Variants in PLOD3 observed in about 807,000 individuals in gnomAD.
PLOD3 encodes the protein multifunctional procollagen lysine hydroxylase and glycosyltransferase LH3.
Under a neutral mutation model 96.9 loss-of-function variants are expected in PLOD3, and 73 were observed. That is an observed-to-expected ratio of 0.75 (90% CI 0.62 to 0.92). PLOD3 has a LOEUF of 0.92. PLOD3 is among the 40% of genes least tolerant of loss of function. The pLI is 0.00. For synonymous variants in PLOD3, 454 were observed against 413.7 expected, an observed-to-expected ratio of 1.10 and a Z score of -1.18; for missense variants, 1,004 against 1,004.3, an observed-to-expected ratio of 1.00 and a Z score of 0.00.
chr7:101,206,522 CG>C (rs1562890409), intron 18 of PLOD3, 86 bp from the exon 19 acceptor site: 6 of 1,279,266 alleles, frequency 4.7e-6, no homozygotes, highest in African/African-American at 2.9e-5. Context: ...GCGGCCAGAC[CG>C]GGGGGCACGG....
At position 101,211,833 on chromosome 7, in the gene PLOD3, G is replaced by A. The variant is rs1798186538; in HGVS notation, c.1232+13C>T. The A allele has an allele frequency of 2.5e-6, 4 of 1,605,018 alleles. No homozygotes were observed. The East Asian group carries it at 6.7e-5, about 27-fold the overall frequency. On this transcript the variant is annotated intron_variant, in intron 11 of 18. Coordinates refer to ENST00000223127, the MANE Select transcript of PLOD3 (RefSeq NM_001084.5). ...GGGGTGCCCTCCGGCTGCGGGGAGAGGGGGTAAGCCACCTGTTCTCCTCAA... is the reference window on the plus strand; with the variant it reads ...GGGGTGCCCTCCGGCTGCGGGGAGAAGGGGTAAGCCACCTGTTCTCCTCAA...
In PLOD3 at chr7:101,206,762, G is replaced by A. The variant is rs749416647; in HGVS notation, c.2061+17C>T. 1.9e-6 allele frequency: 3 copies of A among 1,577,878 alleles called. No individual in the cohort carries two copies. The South Asian group carries it at 3.5e-5, about 18-fold the overall frequency. On this transcript the variant is annotated intron_variant, in intron 18 of 18. Coordinates refer to ENST00000223127, the MANE Select transcript of PLOD3 (RefSeq NM_001084.5). ...TCCTGAGGTGAAGCGTGGGTGGGTA[G>A]TGTGACTGGGGCGCACCTCATAGTC... is the stretch of plus-strand genomic sequence containing the variant.
At chr7:101,211,006 A>C in intron 12 of PLOD3, 1 of 324,126 alleles carries the variant, frequency 3.1e-6, no homozygotes, top group Non-Finnish European at 5.9e-6. Flanking sequence ...TTAGCCTCCC[A>C]AATAGCTGGG....
Position 101,206,909 on chromosome 7 carries a change from G to C in PLOD3, c.1936-5C>G, listed in dbSNP as rs768455387. The C allele has an allele frequency of 3.5e-5, 54 of 1,555,264 alleles. No individual in the cohort carries two copies. In the Middle Eastern group the frequency reaches 1.3e-3, roughly 39 times the overall value. On this transcript the variant is annotated splice_polypyrimidine_tract_variant and splice_region_variant and intron_variant, in intron 17 of 18. Transcript: ENST00000223127. ...AAAGTTCATCACCGCCCGCGCCTGG[G>C]GGAGAGGAGGGAAGAGGCTGCAGGG...
Position 101,207,676 on chromosome 7 carries a change from G to A in PLOD3, c.1837C>T (p.His613Tyr). 1 of 1,613,930 alleles carries A rather than the reference G, an allele frequency of 6.2e-7. No homozygotes were observed. Reference sequence around the variant, plus strand: ...TCCTCGTACCCCACCTGCTTCATGTGGATGTCCACGGTGGGCACATTCTCG... The same window carrying A: ...TCCTCGTACCCCACCTGCTTCATGTAGATGTCCACGGTGGGCACATTCTCG... ...GYENVPTVDIHMKQVGYEDQW... is the reference protein window; with the variant it reads ...GYENVPTVDIYMKQVGYEDQW... The change falls in exon 17 of 19, where the codon CAC becomes TAC. Residue 613 changes from histidine to tyrosine, a missense_variant. Physicochemically the swap from His to Tyr is moderately conservative, Grantham distance 83. Transcript: ENST00000223127.
In PLOD3 at chr7:101,209,053, G is replaced by C. The variant is rs569883734; in HGVS notation, c.1684-96C>G. 5 of 932,224 alleles carry C rather than the reference G, an allele frequency of 5.4e-6. No homozygotes were observed. The East Asian group carries it at 1.2e-4, about 23-fold the overall frequency. The allele number at this position is 932,224 out of a possible 1,614,324, so 57.7% of individuals were successfully genotyped here. On this transcript the variant is annotated intron_variant, in intron 15 of 18. Coordinates refer to ENST00000223127, the MANE Select transcript of PLOD3 (RefSeq NM_001084.5). Reference sequence around the variant, plus strand: ...GAATGGGAAGGGGCAGGGAGGAGCAGGGAAGGCTTTGTGAGAGCAGCCGGG... The same window carrying C: ...GAATGGGAAGGGGCAGGGAGGAGCACGGAAGGCTTTGTGAGAGCAGCCGGG...
In PLOD3 at chr7:101,217,359, A is replaced by G. The variant is rs1201261688; in HGVS notation, c.-85T>C. The stretch of plus-strand genomic sequence containing the variant: ...CCCAGCTCCGGAGGGGAGCTCTGGA[A>G]AGGGGGCGCTCGGGCTGCTGTGCGG... On this transcript the variant is annotated 5_prime_UTR_variant, in exon 1 of 19. Transcript: ENST00000223127. 2 of 1,294,882 alleles carry G rather than the reference A, an allele frequency of 1.5e-6. No individual in the cohort carries two copies. Among genetic ancestry groups the G allele is most frequent in the Non-Finnish European group, 2.0e-6 (2 of 1,011,024 alleles). 80.2% of individuals were successfully genotyped at this position (1,294,882 alleles called of 1,614,324 possible).
At position 101,206,298 on chromosome 7, in the gene PLOD3, A is replaced by T. The variant is rs1432678087; in HGVS notation, c.2200T>A (p.Ser734Thr). Residue 734 changes from serine (S) to threonine (T), a missense_variant, in exon 19 of 19, where the codon TCC becomes ACC. By Grantham distance (58) the Ser-to-Thr change is moderately conservative (BLOSUM62 1). Transcript: ENST00000223127. ...TTWGTRYIMV[S>T]FVDP ...GTTGAGTGTCAGGGGTCGACAAAGG[A>T]CACCATGATGTAGCGTGTGCCCCAG... 20 of 1,613,906 alleles carry T rather than the reference A, an allele frequency of 1.2e-5. No individual in the cohort carries two copies. The highest frequency in any genetic ancestry group is 1.5e-5 in the Non-Finnish European group (18 of 1,179,922).
chr7:101,213,505 TG>T (rs1398737306), intron 6 of PLOD3: 50 of 382,166 alleles, frequency 1.3e-4, no homozygotes, highest in African/African-American at 8.9e-4. Flanking sequence ...TCTCTCTCCT[TG>T]TTTTTTTTTT....
chr7:101,211,564 G>T (rs142750553), intron 12 of PLOD3, 27 bp downstream of exon 12: 4 of 1,592,680 alleles, frequency 2.5e-6, no homozygotes, highest in South Asian at 1.1e-5. Flanking sequence ...CGGAGGAGGC[G>T]GGGGGCTGCA....
In PLOD3 at chr7:101,212,949, G is replaced by A; in HGVS notation, c.778-6C>T. ...CCCAGGTAGTTGAGCTGCAGCTGTT[G>A]GGGACAGACTGAGGCTGAGTGGCTG... On this transcript the variant is annotated splice_polypyrimidine_tract_variant and splice_region_variant and intron_variant, in intron 7 of 18. Coordinates refer to ENST00000223127, the MANE Select transcript of PLOD3 (RefSeq NM_001084.5). 6.2e-7 allele frequency: 1 copy of A among 1,606,228 alleles called. No homozygotes were observed. Among genetic ancestry groups the A allele is most frequent in the South Asian group, 1.1e-5 (1 of 90,904 alleles).
At chr7:101,213,068 G>T in intron 7 of PLOD3, 39 bp downstream of exon 7, 1 of 1,457,126 alleles carries the variant, frequency 6.9e-7, no homozygotes, top group Non-Finnish European at 9.6e-7. Context: ...CCTGGGGGTT[G>T]GGGCAGGGCG....
At chr7:101,208,648 A>G (rs1394424604) in intron 16 of PLOD3, 5 of 569,424 alleles carry the variant, frequency 8.8e-6, no homozygotes, top group Non-Finnish European at 1.3e-5. Flanking sequence ...TCAGCCTCCC[A>G]AAGTGCTAGG....
intron 6 of PLOD3, among the ~76,000 whole-genome samples, chr7:101,214,792 G>A (rs1798241969): frequency 6.6e-6 from 1 of 152,122 alleles, no homozygotes; most frequent in African/African-American, 2.4e-5. Context: ...AGCCAAGATT[G>A]GACCACTGCA....
Position 101,210,085 on chromosome 7 carries a change from G to T in PLOD3, c.1683+8C>A. The T allele has an allele frequency of 1.3e-6, 2 of 1,578,698 alleles. No individual in the cohort carries two copies. The highest frequency in any genetic ancestry group is 1.7e-6 in the Non-Finnish European group (2 of 1,160,672). On this transcript the variant is annotated splice_region_variant and intron_variant, in intron 15 of 18. Coordinates refer to ENST00000223127, the MANE Select transcript of PLOD3 (RefSeq NM_001084.5). Reference sequence around the variant, plus strand: ...CAGGGGGTGGGTGGGGAGGCTGCGTGGGCTCACCTGCTCCACGATTCCTTC... The same window carrying T: ...CAGGGGGTGGGTGGGGAGGCTGCGTTGGCTCACCTGCTCCACGATTCCTTC...
At position 101,209,443 on chromosome 7, in the gene PLOD3, T is replaced by C. The variant is rs2116798354; in HGVS notation, c.1684-486A>G. Among the ~76,000 whole-genome samples the C allele has an allele frequency of 1.3e-5, 2 of 151,958 alleles. 1 individual carries two copies. Among genetic ancestry groups the C allele is most frequent in the South Asian group, 4.2e-4 (2 of 4,812 alleles). On this transcript the variant is annotated intron_variant, in intron 15 of 18. Coordinates refer to ENST00000223127, the MANE Select transcript of PLOD3 (RefSeq NM_001084.5). ...CCCAAGGTGGAGTGCAGTGGCGTGA[T>C]CTTGGCTCACTGCAACCTCTGCCTC...
chr7:101,206,732 G>A (rs758811054), intron 18 of PLOD3, 47 bp downstream of exon 18: 15 of 1,558,644 alleles, frequency 9.6e-6, no homozygotes, highest in Middle Eastern at 3.5e-4. Context: ...GTGGGGACCC[G>A]AGGGTCCTGA....
intron 6 of PLOD3, 67 bp from the exon 7 acceptor site, chr7:101,213,271 T>TC: frequency 6.7e-6 from 7 of 1,041,558 alleles, no homozygotes; most frequent in Non-Finnish European, 1.0e-5. Context: ...CACATTCTTC[T>TC]AAATATGGGG....
At chr7:101,213,425 CG>C (rs1480021310) in intron 6 of PLOD3, 1 of 591,270 alleles carries the variant, frequency 1.7e-6, no homozygotes, top group Non-Finnish European at 3.0e-6. Context: ...CGCAGCTGGG[CG>C]AGGAAGGGGA....
Sources: allele counts gnomAD v4.1 joint callset (sites outside exome capture counted in the v4.1 genomes callset), GRCh38; gene constraint gnomAD v4.1.1; transcripts MANE v1.5; gene names NCBI Gene and HGNC (gene_info 2026-07-23, HGNC 2026-07-21).